Variants in MID1 observed in about 807,000 individuals in gnomAD.
MID1 encodes the protein midline 1.
In MID1, 7 loss-of-function variants were observed where a neutral mutation model predicts 40.4. The observed-to-expected ratio is 0.17, with a 90% CI of 0.10 to 0.33. The LOEUF is 0.33. Among genes scored for constraint, MID1 ranks in the 10% least tolerant of loss-of-function variants. The pLI is 1.00. For missense variants in MID1, 367 were observed against 558.5 expected (o/e 0.66, Z 3.46); for synonymous variants, 229 against 221.2 (o/e 1.04, Z -0.31).
At chrX:10,599,873 G>C (rs1230226308) in intron 1 of MID1, among the ~76,000 whole-genome samples, 1 of 112,219 alleles carries the variant, frequency 8.9e-6, no homozygotes, top group Non-Finnish European at 1.9e-5. Context: ...ACAGGGTTTA[G>C]CCTTGACAGT....
intron 1 of MID1, among the ~76,000 whole-genome samples, chrX:10,742,405 G>T (rs995392284): frequency 1.8e-5 from 2 of 111,545 alleles, no homozygotes; most frequent in Admixed American, 1.9e-4. Context: ...CTACATATTT[G>T]CACCAAGGGT....
chrX:10,516,188 CTTT>C (rs1191096522), intron 3 of MID1, among the ~76,000 whole-genome samples: 3 of 71,495 alleles, frequency 4.2e-5, no homozygotes, highest in Non-Finnish European at 7.5e-5. Context: ...TGAAGTTGCT[CTTT>C]TTTTTTTTTT....
At chrX:10,488,392 G>A (rs1452349320) in intron 4 of MID1, among the ~76,000 whole-genome samples, 2 of 111,856 alleles carry the variant, frequency 1.8e-5, no homozygotes, top group Non-Finnish European at 3.8e-5. Context: ...CAGCTTTCCA[G>A]CATGTACTAC....
At chrX:10,785,408 T>C (rs2046458953) in intron 1 of MID1, among the ~76,000 whole-genome samples, 1 of 111,108 alleles carries the variant, frequency 9.0e-6, no homozygotes, top group African/African-American at 3.3e-5. Flanking sequence ...AATTTATAGA[T>C]TCAATGCCAT....
At chrX:10,825,690 G>T (rs2044211039) in intron 1 of MID1, among the ~76,000 whole-genome samples, 1 of 111,457 alleles carries the variant, frequency 9.0e-6, no homozygotes, top group Admixed American at 9.6e-5. Context: ...GAATGAAATA[G>T]AAAGAATTCG....
intron 2 of MID1, among the ~76,000 whole-genome samples, chrX:10,536,736 T>G (rs1933271004): frequency 8.9e-6 from 1 of 111,949 alleles, no homozygotes; most frequent in Non-Finnish European, 1.9e-5. Context: ...AAAATACAAA[T>G]TGTTGGGCAC....
At chrX:10,529,688 C>T (rs1932908697) in intron 2 of MID1, among the ~76,000 whole-genome samples, 1 of 111,662 alleles carries the variant, frequency 9.0e-6, no homozygotes, top group Non-Finnish European at 1.9e-5. Context: ...TGGGTCTGAG[C>T]ATGGGCGCAG....
chrX:10,449,404 G>T lies in MID1; in HGVS notation c.1968C>A (p.Ile656=). Residue 656 remains isoleucine (I), a synonymous_variant, in exon 10 of 10, where the codon ATC becomes ATA. Transcript: ENST00000317552. The stretch of plus-strand genomic sequence containing the variant: ...GCTCTGTGCAGTCCAAATGGTCTGG[G>T]ATAGGGAGCCCAGTGATAATCGTCA... The part of the protein sequence containing the change: ...KCLTIITGLP[I]PDHLDCTEQL... 3 of 1,211,721 alleles carry T rather than the reference G, an allele frequency of 2.5e-6. No individual in the cohort carries two copies. The highest frequency in any genetic ancestry group is 3.4e-6 in the Non-Finnish European group (3 of 895,434).
intron 1 of MID1, among the ~76,000 whole-genome samples, chrX:10,643,405 C>G (rs1279956431): frequency 1.8e-5 from 2 of 111,562 alleles, no homozygotes; most frequent in African/African-American, 6.6e-5. Flanking sequence ...CCAACAGACA[C>G]GTGAAAAAAT....
chrX:10,680,368 T>G (rs1242068199), intron 1 of MID1, among the ~76,000 whole-genome samples: 1 of 111,982 alleles, frequency 8.9e-6, no homozygotes, highest in Non-Finnish European at 1.9e-5. Flanking sequence ...GGGATTATAT[T>G]TGACAAATAT....
chrX:10,540,284 A>C (rs1172557146), intron 2 of MID1, among the ~76,000 whole-genome samples: 1 of 111,770 alleles, frequency 8.9e-6, no homozygotes, highest in African/African-American at 3.3e-5. Flanking sequence ...GGGCCTTTAC[A>C]ATGTTTCAAG....
chrX:10,641,347 G>A (rs748431367), intron 1 of MID1, among the ~76,000 whole-genome samples: 11 of 111,558 alleles, frequency 9.9e-5, no homozygotes, highest in African/African-American at 2.9e-4. Context: ...TATCACCACC[G>A]ATCCCACAGA....
intron 1 of MID1, among the ~76,000 whole-genome samples, chrX:10,599,515 TG>T (rs1487897228): frequency 8.9e-6 from 1 of 112,465 alleles, no homozygotes; most frequent in Non-Finnish European, 1.9e-5. Context: ...TCATATGCTA[TG>T]GTGGAAAGAG....
chrX:10,827,624 G>A (rs2044224770), intron 1 of MID1, among the ~76,000 whole-genome samples: 1 of 110,814 alleles, frequency 9.0e-6, no homozygotes, highest in Admixed American at 9.6e-5. Flanking sequence ...TATGTTTAAA[G>A]TGTTAAATAA....
At chrX:10,601,280 T>G (rs1361151634) in intron 1 of MID1, among the ~76,000 whole-genome samples, 1 of 112,099 alleles carries the variant, frequency 8.9e-6, no homozygotes, top group African/African-American at 3.2e-5. Context: ...CTGCAAACTA[T>G]AGACCACAGG....
intron 1 of MID1, among the ~76,000 whole-genome samples, chrX:10,619,319 T>A (rs184243048): frequency 3.5e-5 from 4 of 112,808 alleles, no homozygotes; most frequent in Non-Finnish European, 5.6e-5. Flanking sequence ...GCTTTTCCGG[T>A]TGCGATACAG....
chrX:10,807,804 T>C (rs2044058230), intron 1 of MID1, among the ~76,000 whole-genome samples: 1 of 112,242 alleles, frequency 8.9e-6, no homozygotes, highest in South Asian at 3.7e-4. Flanking sequence ...TACCTTAACA[T>C]AATCATGGGA....
chrX:10,645,754 G>C (rs982294663), intron 1 of MID1, among the ~76,000 whole-genome samples: 3 of 111,877 alleles, frequency 2.7e-5, no homozygotes, highest in African/African-American at 9.7e-5. Flanking sequence ...CTTGGGTGCA[G>C]TCTGACAGTG....
chrX:10,704,723 T>TATATATATATAC lies in MID1; in HGVS notation c.-186-84305_-186-84304insGTATATATATAT, dbSNP rs1158517915. 6.6e-4 allele frequency among the ~76,000 whole-genome samples: 55 copies of TATATATATATAC among 83,469 alleles called. 1 individual carries two copies. The highest frequency in any genetic ancestry group is 2.9e-3 in the African/African-American group (52 of 17,694). 72.5% of individuals were successfully genotyped at this position (83,469 alleles called of 115,157 possible). A position where few individuals can be genotyped will look rare whatever the true frequency, so the allele number is the denominator to read the frequency against. On this transcript the variant is annotated intron_variant, in intron 1 of 10. Coordinates refer to the MID1 transcript ENST00000380785. ...ATATGCATGTGTGTGTGTGTATATA[T>TATATATATATAC]ATATATATATATATATACACACACA...
Sources: allele counts gnomAD v4.1 joint callset (sites outside exome capture counted in the v4.1 genomes callset), GRCh38; gene constraint gnomAD v4.1.1; transcripts MANE v1.5; gene names NCBI Gene and HGNC (gene_info 2026-07-23, HGNC 2026-07-21).